Variants in PEMT observed in about 807,000 individuals in gnomAD.
PEMT encodes phosphatidylethanolamine N-methyltransferase, also known as phospholipid methyltransferase.
Under a neutral mutation model 27.4 loss-of-function variants are expected in PEMT, and 23 were observed. The observed-to-expected ratio is 0.84, with a 90% confidence interval of 0.60 to 1.19. PEMT has a LOEUF of 1.19. Among genes scored for constraint, PEMT ranks in the 50% most tolerant of loss-of-function variants. The pLI is 0.00. For missense variants in PEMT, 307 were observed against 310.1 expected (o/e 0.99, Z 0.07); for synonymous variants, 137 against 139.1 (o/e 0.98, Z 0.11).
Position 17,512,648 on chromosome 17 carries a change from C to T in PEMT, c.327G>A (p.Thr109=), listed in dbSNP as rs755735448. The change falls in exon 4 of 7, where the codon ACG becomes ACA. Residue 109 remains threonine (T), a synonymous_variant. Coordinates refer to ENST00000255389, the MANE Select transcript of PEMT (RefSeq NM_148172.3). This position sits in a 1 kb window ranked among gnomAD's most constrained non-coding sequence, Gnocchi z 6.3. ...TCCTGGGCTGGCTCAGCATGGCCTGCGTGAAGCTGTGGGCAGGGGATGGAG... is the reference window on the plus strand; with the variant it reads ...TCCTGGGCTGGCTCAGCATGGCCTGTGTGAAGCTGTGGGCAGGGGATGGAG... ...LLNFLRSHCF[T]QAMLSQPRME... is the part of the protein sequence containing the mutation. The T allele has an allele frequency of 4.6e-6, 7 of 1,531,446 alleles. No individual in the cohort carries two copies. Among genetic ancestry groups the T allele is most frequent in the Non-Finnish European group, 5.3e-6 (6 of 1,132,420 alleles). The allele number at this position is 1,531,446 out of a possible 1,614,324, so 94.9% of individuals were successfully genotyped here.
chr17:17,509,438 T>C lies in PEMT; in HGVS notation c.574A>G (p.Ile192Val). 1.2e-6 allele frequency: 2 copies of C among 1,607,600 alleles called. No individual in the cohort carries two copies. The highest frequency in any genetic ancestry group is 1.7e-6 in the Non-Finnish European group (2 of 1,174,650). Reference sequence around the variant, plus strand: ...GGTGGCAAGCCTGGTACTCACATGATGGCCCAGCCCAGGTAGTTGGCTGTG... The same window carrying C: ...GGTGGCAAGCCTGGTACTCACATGACGGCCCAGCCCAGGTAGTTGGCTGTG... ...GSTANYLGWA[I>V]MHASPTGLLL... is the part of the protein sequence containing the mutation. The change falls in exon 5 of 7, where the codon ATC (isoleucine) becomes GTC (valine). Residue 192 changes from isoleucine (I) to valine (V), a missense_variant. Physicochemically the swap from Ile to Val is conservative, Grantham distance 29. Coordinates refer to ENST00000255389, the MANE Select transcript of PEMT (RefSeq NM_148172.3).
At chr17:17,558,907 G>A (rs1324823099) in intron 2 of PEMT, among the ~76,000 whole-genome samples, 4 of 152,054 alleles carry the variant, frequency 2.6e-5, no homozygotes, top group South Asian at 4.2e-4. Context: ...AGAGAAGCAC[G>A]AAAGAATTCT....
At chr17:17,584,401 C>T (rs897832566) in intron 1 of PEMT, among the ~76,000 whole-genome samples, 2 of 152,122 alleles carry the variant, frequency 1.3e-5, no homozygotes, top group African/African-American at 4.8e-5. Flanking sequence ...CCTCATGATC[C>T]GCCTGCCTCG....
At chr17:17,532,953 G>A (rs1039989388) in intron 2 of PEMT, among the ~76,000 whole-genome samples, 1 of 152,206 alleles carries the variant, frequency 6.6e-6, no homozygotes, top group African/African-American at 2.4e-5. Flanking sequence ...CTTGAACTCG[G>A]GAGGCAGAGG....
chr17:17,587,252 G>T (rs924822386), intron 1 of PEMT, among the ~76,000 whole-genome samples: 1 of 151,948 alleles, frequency 6.6e-6, no homozygotes, highest in African/African-American at 2.4e-5. Flanking sequence ...TAAAAGGGGG[G>T]ACTTCTCTAC....
intron 1 of PEMT, among the ~76,000 whole-genome samples, chr17:17,583,061 C>CAAA (rs1293433045): frequency 1.9e-3 from 193 of 101,828 alleles, no homozygotes; most frequent in Middle Eastern, 0.015. Context: ...GACTCCATCT[C>CAAA]AAAAAAAAAA....
chr17:17,570,204 C>T (rs1911094092), intron 2 of PEMT, among the ~76,000 whole-genome samples: 1 of 152,222 alleles, frequency 6.6e-6, no homozygotes, highest in Non-Finnish European at 1.5e-5. Flanking sequence ...GCAGCAGCTG[C>T]CACCCGGAGC....
chr17:17,516,363 G>A (rs1052265988), intron 3 of PEMT, among the ~76,000 whole-genome samples: 14 of 150,348 alleles, frequency 9.3e-5, no homozygotes, highest in Admixed American at 7.4e-4. Context: ...GGGCTTTGAC[G>A]CTGCACTAAT....
At chr17:17,526,768 A>G (rs993896369) in intron 2 of PEMT, among the ~76,000 whole-genome samples, 3 of 152,214 alleles carry the variant, frequency 2.0e-5, no homozygotes, top group African/African-American at 7.2e-5. Context: ...GCAGCCCAAG[A>G]TGTGTTCTGG....
intron 2 of PEMT, among the ~76,000 whole-genome samples, chr17:17,534,242 C>T (rs1219092192): frequency 6.6e-6 from 1 of 152,204 alleles, no homozygotes; most frequent in Non-Finnish European, 1.5e-5. Context: ...TGAATGGATA[C>T]AATGGAATAC....
chr17:17,517,247 A>G (rs1377222320), intron 3 of PEMT, among the ~76,000 whole-genome samples: 1 of 152,178 alleles, frequency 6.6e-6, no homozygotes, highest in Non-Finnish European at 1.5e-5. Context: ...ACTGTCACAT[A>G]GTAAGTTTGT....
At chr17:17,554,068 A>C (rs1273902386) in intron 2 of PEMT, among the ~76,000 whole-genome samples, 1 of 152,264 alleles carries the variant, frequency 6.6e-6, no homozygotes, top group Non-Finnish European at 1.5e-5. Flanking sequence ...TGTGAAGGCC[A>C]GCAGAGGCCA....
At chr17:17,591,356 C>T in intron 1 of PEMT, 175 bp downstream of exon 1, 1 of 608,902 alleles carries the variant, frequency 1.6e-6, no homozygotes, top group South Asian at 2.0e-5. Context: ...CGCACACACA[C>T]AGACACCAGC....
At chr17:17,575,287 C>A (rs964100979) in intron 2 of PEMT, among the ~76,000 whole-genome samples, 16 of 152,244 alleles carry the variant, frequency 1.1e-4, no homozygotes, top group Admixed American at 5.9e-4. Context: ...AAAGGACACA[C>A]ACAATGGCAC....
At chr17:17,589,559 T>C (rs1243813376) in intron 1 of PEMT, among the ~76,000 whole-genome samples, 2 of 152,218 alleles carry the variant, frequency 1.3e-5, no homozygotes, top group African/African-American at 4.8e-5. Flanking sequence ...GTTTAAATTA[T>C]GCATGTGGCA....
At chr17:17,514,092 A>ACCAT (rs956797100) in intron 3 of PEMT, among the ~76,000 whole-genome samples, 4 of 151,988 alleles carry the variant, frequency 2.6e-5, no homozygotes, top group Non-Finnish European at 5.9e-5. Context: ...TGCCCACACA[A>ACCAT]CCATCCATCC....
intron 2 of PEMT, among the ~76,000 whole-genome samples, chr17:17,568,330 T>A (rs1300388812): frequency 1.3e-5 from 2 of 152,222 alleles, no homozygotes; most frequent in Non-Finnish European, 2.9e-5. Context: ...GGTTATGCTC[T>A]CTCCGTAACT....
At chr17:17,577,167 T>TA in intron 1 of PEMT, 140 bp from the exon 2 acceptor site, 1 of 658,834 alleles carries the variant, frequency 1.5e-6, no homozygotes, top group Non-Finnish European at 2.7e-6. Flanking sequence ...TACTACAGTG[T>TA]AGTCTCATAA....
intron 1 of PEMT, among the ~76,000 whole-genome samples, chr17:17,581,994 A>G (rs1472977925): frequency 6.6e-6 from 1 of 152,144 alleles, no homozygotes; most frequent in African/African-American, 2.4e-5. Context: ...GGATTGGCAA[A>G]AAAGAACCAA....
Sources: allele counts gnomAD v4.1 joint callset (sites outside exome capture counted in the v4.1 genomes callset), GRCh38; gene constraint gnomAD v4.1.1; non-coding constraint Gnocchi (gnomAD v3.1); transcripts MANE v1.5; gene names NCBI Gene and HGNC (gene_info 2026-07-23, HGNC 2026-07-21).